MAN1A2: variants seen among roughly 807,000 people sequenced by gnomAD.
MAN1A2 encodes mannosidase alpha class 1A member 2, also known as mannosyl-oligosaccharide 1,2-alpha-mannosidase IB.
In MAN1A2, 26 loss-of-function variants were observed where a neutral mutation model predicts 75.7. The observed-to-expected ratio is 0.34, with a 90% CI of 0.25 to 0.48. The LOEUF (loss-of-function observed/expected upper bound fraction) is 0.48, where lower values mean the gene tolerates loss of function less well. Among genes scored for constraint, MAN1A2 ranks in the 20% least tolerant of loss-of-function variants. The pLI is 0.99. For synonymous variants in MAN1A2, 247 were observed against 264.6 expected, an observed-to-expected ratio of 0.93 and a Z score of 0.65; for missense variants, 562 against 775.5, an observed-to-expected ratio of 0.72 and a Z score of 3.27.
At chr1:117,390,473 A>T (rs1292567244) in intron 1 of MAN1A2, among the ~76,000 whole-genome samples, 2 of 151,706 alleles carry the variant, frequency 1.3e-5, no homozygotes, top group Non-Finnish European at 2.9e-5. Flanking sequence ...CAGTTCTCTC[A>T]TTGCTGATAT....
chr1:117,497,099 A>G, intron 10 of MAN1A2, 117 bp downstream of exon 10: 2 of 680,110 alleles, frequency 2.9e-6, no homozygotes, highest in Non-Finnish European at 4.7e-6. Context: ...GTTTACACCA[A>G]CAAGGCAAAT....
chr1:117,478,619 T>C (rs973315301), intron 8 of MAN1A2, among the ~76,000 whole-genome samples: 2 of 151,986 alleles, frequency 1.3e-5, no homozygotes, highest in Non-Finnish European at 2.9e-5. Context: ...AAAGTTTATT[T>C]TTTTTACATA....
chr1:117,403,577 C>T (rs1647512711), intron 2 of MAN1A2, among the ~76,000 whole-genome samples: 1 of 152,122 alleles, frequency 6.6e-6, no homozygotes, highest in South Asian at 2.1e-4. Flanking sequence ...ACCAGAAGTA[C>T]CCACGGAACT....
rs899846349 is a variant in MAN1A2, at chr1:117,484,893, A to G, written c.1169-8254A>G. 3.3e-5 allele frequency among the ~76,000 whole-genome samples: 5 copies of G among 151,968 alleles called. 1 individual carries two copies. In the East Asian group the frequency reaches 7.8e-4, roughly 24 times the overall value. On this transcript the variant is annotated intron_variant, in intron 8 of 12. Transcript: ENST00000356554. ...TCAACTCTTTCTTAATATTTTCTCT[A>G]TTTCTAGGCCATGTGGCTTGTCTAT...
chr1:117,396,057 C>T (rs1258726250), intron 1 of MAN1A2, among the ~76,000 whole-genome samples: 1 of 152,192 alleles, frequency 6.6e-6, no homozygotes, highest in African/African-American at 2.4e-5. Flanking sequence ...CTCATCCAAG[C>T]TTCAGTGTAT....
chr1:117,461,447 A>G (rs548765277), intron 7 of MAN1A2, among the ~76,000 whole-genome samples: 1 of 152,304 alleles, frequency 6.6e-6, no homozygotes, highest in South Asian at 2.1e-4. Context: ...AGTGGGTACA[A>G]AAGTACAGTT....
intron 5 of MAN1A2, among the ~76,000 whole-genome samples, chr1:117,428,789 T>C (rs868076755): frequency 0.017 from 1,880 of 112,740 alleles, 20 homozygotes; most frequent in Non-Finnish European, 0.029. Context: ...CCTTTCTTTT[T>C]TTTTTTTTTT....
At chr1:117,369,182 T>C (rs1652870921) in intron 1 of MAN1A2, among the ~76,000 whole-genome samples, 2 of 152,230 alleles carry the variant, frequency 1.3e-5, no homozygotes, top group African/African-American at 4.8e-5. Flanking sequence ...TCTTTTAATG[T>C]AATAGATGGA....
At chr1:117,497,032 TA>T (rs748020319) in intron 10 of MAN1A2, 50 bp downstream of exon 10, 2 of 1,449,544 alleles carry the variant, frequency 1.4e-6, no homozygotes, top group African/African-American at 1.4e-5. Flanking sequence ...ATCTCTAAGT[TA>T]AAAATGTGTT....
intron 6 of MAN1A2, among the ~76,000 whole-genome samples, chr1:117,450,411 G>C (rs1339949123): frequency 6.6e-6 from 1 of 152,184 alleles, no homozygotes; most frequent in Admixed American, 6.5e-5. Context: ...GAGCATAGAA[G>C]TTCAGAAAAT....
intron 1 of MAN1A2, among the ~76,000 whole-genome samples, chr1:117,378,561 C>G (rs1653231001): frequency 6.6e-6 from 1 of 151,810 alleles, no homozygotes. Context: ...TACATATGTT[C>G]TTGGGCACAT....
At chr1:117,420,491 A>T in intron 4 of MAN1A2, 78 bp from the exon 5 acceptor site, 2 of 1,033,962 alleles carry the variant, frequency 1.9e-6, no homozygotes, top group Admixed American at 4.0e-5. Flanking sequence ...TTTGTGAAAA[A>T]CAAATGAAGT....
intron 12 of MAN1A2, among the ~76,000 whole-genome samples, chr1:117,509,836 C>G (rs12128361): frequency 0.12 from 18,158 of 150,832 alleles, 1,141 homozygotes; most frequent in Non-Finnish European, 0.14. Context: ...AAATGAGTTT[C>G]TTTGTGCCTC....
intron 1 of MAN1A2, among the ~76,000 whole-genome samples, chr1:117,400,164 G>A (rs2101751081): frequency 6.6e-6 from 1 of 151,856 alleles, no homozygotes; most frequent in East Asian, 2.0e-4. Flanking sequence ...TTAGTTCCCT[G>A]CCCTGTTCCT....
At position 117,527,146 on chromosome 1, in the gene MAN1A2, G is replaced by A. The variant is rs1481456559; in HGVS notation, c.*4189G>A. ...CTGTTACTTTAGCTCATTCAGATCA[G>A]GATGGACATGCTCTTTTTGATCTAT... On this transcript the variant is annotated 3_prime_UTR_variant, in exon 13 of 13. Transcript: ENST00000356554. 1 of 151,634 alleles carries A rather than the reference G, an allele frequency of 6.6e-6. No homozygotes were observed. Among genetic ancestry groups the A allele is most frequent in the Non-Finnish European group, 1.5e-5 (1 of 67,804 alleles). 9.4% of individuals were successfully genotyped at this position (151,634 alleles called of 1,614,324 possible). A position where few individuals can be genotyped will look rare whatever the true frequency, so the allele number is the denominator to read the frequency against.
At chr1:117,494,735 A>G (rs1650986421) in intron 9 of MAN1A2, 1 of 152,004 alleles carries the variant, frequency 6.6e-6, no homozygotes, top group Non-Finnish European at 1.5e-5. Flanking sequence ...TTAAACGTAG[A>G]AAGTTGTATG....
chr1:117,447,137 G>A (rs1649259684), intron 6 of MAN1A2, among the ~76,000 whole-genome samples: 2 of 152,030 alleles, frequency 1.3e-5, no homozygotes, highest in Admixed American at 6.5e-5. Context: ...CAGCTTCACT[G>A]TATTGTTTTA....
At chr1:117,450,063 GAGA>G (rs1266684342) in intron 6 of MAN1A2, among the ~76,000 whole-genome samples, 6 of 152,332 alleles carry the variant, frequency 3.9e-5, no homozygotes, top group Admixed American at 1.3e-4. Context: ...GCAGAGGTTG[GAGA>G]AGAAGAAGAC....
At chr1:117,411,541 A>T (rs1647818001) in intron 3 of MAN1A2, among the ~76,000 whole-genome samples, 1 of 151,888 alleles carries the variant, frequency 6.6e-6, no homozygotes, top group Non-Finnish European at 1.5e-5. Context: ...CACAAAAAGC[A>T]TTAAGTATAA....
Sources: allele counts gnomAD v4.1 joint callset (sites outside exome capture counted in the v4.1 genomes callset), GRCh38; gene constraint gnomAD v4.1.1; transcripts MANE v1.5; gene names NCBI Gene and HGNC (gene_info 2026-07-23, HGNC 2026-07-21).